ITPRID2: variants seen among roughly 807,000 people sequenced by gnomAD.
The protein encoded by ITPRID2 is protein ITPRID2.
ITPRID2 carries 60 observed loss-of-function variants against 124.3 expected under a neutral mutation model. The ratio of observed to expected loss-of-function variants is 0.48; its 90% CI spans 0.39 to 0.60. The LOEUF (loss-of-function observed/expected upper bound fraction) is 0.60. Ranked by LOEUF, ITPRID2 falls within the 20% of genes least tolerant of loss-of-function variation. The pLI, the probability that ITPRID2 is intolerant of heterozygous loss-of-function variation, is 0.00. For synonymous variants in ITPRID2, 521 were observed against 542.9 expected (o/e 0.96, Z 0.56); for missense variants, 1,553 against 1,512.2 (o/e 1.03, Z -0.45).
intron 11 of ITPRID2, chr2:181,917,180 T>C: frequency 5.5e-6 from 1 of 183,410 alleles, no homozygotes; most frequent in Non-Finnish European, 1.0e-5. Flanking sequence ...GAATCATGTT[T>C]AGACAATTGA....
At position 181,905,514 on chromosome 2, in the gene ITPRID2, C is replaced by T. The variant is rs1051203986; in HGVS notation, c.1413+3048C>T. 2.0e-5 allele frequency among the ~76,000 whole-genome samples: 3 copies of T among 152,092 alleles called. No individual in the cohort carries two copies. Among genetic ancestry groups the T allele is most frequent in the Non-Finnish European group, 2.9e-5 (2 of 68,012 alleles). The stretch of plus-strand genomic sequence containing the variant: ...TAGTGTGAATGATTCACAAGTTAAA[C>T]CAAAATGATCCTTCTCAAGCAGATG... On this transcript the variant is annotated intron_variant, in intron 8 of 17. Coordinates refer to ENST00000431877, the MANE Select transcript of ITPRID2 (RefSeq NM_001130445.3). This position sits in a 1 kb window ranked among gnomAD's most constrained non-coding sequence, Gnocchi z 4.1.
intron 9 of ITPRID2, among the ~76,000 whole-genome samples, chr2:181,911,162 G>A (rs1185154386): frequency 1.3e-5 from 2 of 152,124 alleles, no homozygotes; most frequent in African/African-American, 2.4e-5. Flanking sequence ...ATGGTTCTGT[G>A]TGTCTGTGTG....
rs1015155812 is a variant in ITPRID2, at chr2:181,892,055, C to T, written c.-12C>T. 6 of 1,548,228 alleles carry T rather than the reference C, an allele frequency of 3.9e-6. No homozygotes were observed. In the African/African-American group the frequency reaches 8.2e-5, roughly 21 times the overall value. On this transcript the variant is annotated 5_prime_UTR_variant, in exon 1 of 18. Coordinates refer to ENST00000431877, the MANE Select transcript of ITPRID2 (RefSeq NM_001130445.3). This position sits in a 1 kb window ranked among gnomAD's most constrained non-coding sequence, Gnocchi z 5.2. ...AGGGTCCGGCTGGGGTAGCGGAGCC[C>T]CCAGTGCGGCCATGGACCGGCCCCT... is the stretch of plus-strand genomic sequence containing the variant.
chr2:181,920,608 C>T lies in ITPRID2; in HGVS notation c.3156C>T (p.Gly1052=). The change falls in exon 15 of 18, where the codon GGC becomes GGT. Residue 1052 remains glycine (G), a synonymous_variant. Transcript: ENST00000431877. ...TCTTACCTTTTCAGGGAATGTGTGG[C>T]AGTAGAAGCGCTGATAACTTGTCAT... The part of the protein sequence containing the change: ...FRSSALMGMC[G]SRSADNLSCP... 6.2e-7 allele frequency: 1 copy of T among 1,612,828 alleles called. No homozygotes were observed. Among genetic ancestry groups the T allele is most frequent in the South Asian group, 1.1e-5 (1 of 91,000 alleles).
At chr2:181,924,620 GA>G (rs1694717052) in intron 16 of ITPRID2, among the ~76,000 whole-genome samples, 1 of 152,160 alleles carries the variant, frequency 6.6e-6, no homozygotes, top group African/African-American at 2.4e-5. Flanking sequence ...ATGGATGCAT[GA>G]AAACAATGGT....
rs368990115 is a variant in ITPRID2 at position 181,892,613 on chromosome 2, A to G, written c.212-2A>G. The G allele has an allele frequency of 1.2e-6, 2 of 1,614,104 alleles. No homozygotes were observed. The highest frequency in any genetic ancestry group is 1.7e-6 in the Non-Finnish European group (2 of 1,179,998). ...CGTGCTGTCCCCTCTCTCTACCCCC[A>G]GGAAACGTGCCCAACGAGAAGATCG... On this transcript the variant is annotated splice_acceptor_variant, in intron 1 of 17. Coordinates refer to ENST00000431877, the MANE Select transcript of ITPRID2 (RefSeq NM_001130445.3). LOFTEE classifies it high-confidence loss of function. This position sits in a 1 kb window ranked among gnomAD's most constrained non-coding sequence, Gnocchi z 5.2.
intron 9 of ITPRID2, 147 bp from the exon 10 acceptor site, chr2:181,913,698 T>A (rs1559001177): frequency 3.7e-6 from 2 of 541,844 alleles, no homozygotes; most frequent in Non-Finnish European, 6.2e-6. Flanking sequence ...GTAATGCATA[T>A]TTTTCTAAGA....
intron 16 of ITPRID2, among the ~76,000 whole-genome samples, chr2:181,924,480 C>A (rs1247817381): frequency 6.6e-6 from 1 of 152,182 alleles, no homozygotes; most frequent in Admixed American, 6.5e-5. Context: ...CCTAGCAGAT[C>A]TGAGCCCCTA....
chr2:181,915,573 G>C lies in ITPRID2; in HGVS notation c.1933G>C (p.Asp645His), dbSNP rs1486561420. 1 of 1,614,076 alleles carries C rather than the reference G, an allele frequency of 6.2e-7. No homozygotes were observed. Among genetic ancestry groups the C allele is most frequent in the East Asian group, 2.2e-5 (1 of 44,890 alleles). Residue 645 changes from aspartate (D) to histidine (H), a missense_variant, in exon 11 of 18, where the codon GAT becomes CAT. By Grantham distance (81) the Asp-to-His change is moderately conservative (BLOSUM62 -1). Coordinates refer to ENST00000431877, the MANE Select transcript of ITPRID2 (RefSeq NM_001130445.3). ...ACTGAGGGAAGCAAGTGCTGAAAGT[G>C]ATGTGGGTAAAAGCAGTGAAAGTGA... ...ELLREASAES[D>H]VGKSSESEFT...
At chr2:181,927,817 A>G (rs1694971971) in intron 16 of ITPRID2, among the ~76,000 whole-genome samples, 1 of 152,244 alleles carries the variant, frequency 6.6e-6, no homozygotes, top group Non-Finnish European at 1.5e-5. Flanking sequence ...GTTAGACAAT[A>G]CTAAAAACAT....
chr2:181,915,846 A>G lies in ITPRID2; in HGVS notation c.2206A>G (p.Arg736Gly), dbSNP rs1334885318. Residue 736 changes from arginine to glycine, a missense_variant, in exon 11 of 18, where the codon AGG becomes GGG. Coordinates refer to ENST00000431877, the MANE Select transcript of ITPRID2 (RefSeq NM_001130445.3). ...TGCAAAAGCTGGCTATCCTCTAAGA[A>G]GGTCTCAGTCTTTACCAACCACCTT... ...LFAKAGYPLR[R>G]SQSLPTTLLS... The G allele has an allele frequency of 2.5e-6, 4 of 1,614,224 alleles. No individual in the cohort carries two copies. The highest frequency in any genetic ancestry group is 3.4e-6 in the Non-Finnish European group (4 of 1,180,036).
At chr2:181,917,292 G>A (rs977021217) in intron 11 of ITPRID2, 4 of 152,240 alleles carry the variant, frequency 2.6e-5, no homozygotes, top group Admixed American at 6.5e-5. Flanking sequence ...TGACATAGTA[G>A]ACAGGGAGCC....
intron 16 of ITPRID2, among the ~76,000 whole-genome samples, chr2:181,927,027 A>G (rs950399366): frequency 6.6e-6 from 1 of 152,230 alleles, no homozygotes; most frequent in African/African-American, 2.4e-5. Flanking sequence ...TAAAAGGTAA[A>G]GTGAAAAGCT....
rs1177570920 is a variant in ITPRID2 at position 181,902,861 on chromosome 2, C to T, written c.1413+395C>T. On this transcript the variant is annotated intron_variant, in intron 8 of 17. Coordinates refer to ENST00000431877, the MANE Select transcript of ITPRID2 (RefSeq NM_001130445.3). This position sits in a 1 kb window ranked among gnomAD's most constrained non-coding sequence, Gnocchi z 4.4. ...TTGTCTGCCACTGAATGACTGTATG[C>T]CTTTGGGCAAGCTTTTCTTAACATA... 1.3e-5 allele frequency among the ~76,000 whole-genome samples: 2 copies of T among 152,050 alleles called. No individual in the cohort carries two copies. The highest frequency in any genetic ancestry group is 3.9e-4 in the East Asian group (2 of 5,192).
At chr2:181,895,490 AAGAT>A (rs913461448) in intron 2 of ITPRID2, among the ~76,000 whole-genome samples, 70 of 152,188 alleles carry the variant, frequency 4.6e-4, no homozygotes, top group African/African-American at 1.7e-3. Context: ...TTTACATAAA[AAGAT>A]AGTTGTTGGG....
intron 11 of ITPRID2, chr2:181,916,790 C>G (rs1336774894): frequency 5.0e-6 from 5 of 994,554 alleles, no homozygotes; most frequent in Non-Finnish European, 6.0e-6. Context: ...TTCTTTCTCT[C>G]TTTCTCTCTG....
intron 8 of ITPRID2, among the ~76,000 whole-genome samples, chr2:181,908,309 C>T (rs577205855): frequency 6.6e-6 from 1 of 152,252 alleles, no homozygotes; most frequent in African/African-American, 2.4e-5. Context: ...TATATTAATG[C>T]TGTGCCTGAG....
At position 181,916,262 on chromosome 2, in the gene ITPRID2, A is replaced by T; in HGVS notation, c.2622A>T (p.Ser874=). The T allele has an allele frequency of 6.2e-7, 1 of 1,614,206 alleles. No homozygotes were observed. Among genetic ancestry groups the T allele is most frequent in the Non-Finnish European group, 8.5e-7 (1 of 1,180,036 alleles). Residue 874 remains serine, a synonymous_variant, in exon 11 of 18, where the codon TCA becomes TCT. Coordinates refer to ENST00000431877, the MANE Select transcript of ITPRID2 (RefSeq NM_001130445.3). ...TLSTHSVPNI[S]GATCSAFASP... ...GCACTCACAGTGTTCCCAACATATC[A>T]GGGGCTACTTGTAGTGCCTTCGCTT... is the stretch of plus-strand genomic sequence containing the variant.
chr2:181,928,372 T>A, intron 17 of ITPRID2, 94 bp downstream of exon 17: 1 of 740,836 alleles, frequency 1.3e-6, no homozygotes, highest in East Asian at 2.9e-5. Flanking sequence ...GGTTCTCTAG[T>A]TAAATTTTGA....
Sources: allele counts gnomAD v4.1 joint callset (sites outside exome capture counted in the v4.1 genomes callset), GRCh38; gene constraint gnomAD v4.1.1; non-coding constraint Gnocchi (gnomAD v3.1); transcripts MANE v1.5; gene names NCBI Gene and HGNC (gene_info 2026-07-23, HGNC 2026-07-21).